HSD17B2: variants seen among roughly 807,000 people sequenced by gnomAD.
HSD17B2 encodes the protein hydroxysteroid 17-beta dehydrogenase 2.
HSD17B2 carries 32 observed loss-of-function variants against 26.9 expected under a neutral mutation model. That is an observed-to-expected ratio of 1.19 (90% CI 0.90 to 1.60). The LOEUF is 1.60. HSD17B2 is among the 40% of genes most tolerant of loss of function. The pLI, the probability that HSD17B2 is intolerant of heterozygous loss-of-function variation, is 0.00. For missense variants in HSD17B2, 613 were observed against 468.6 expected (o/e 1.31, Z -2.85); for synonymous variants, 246 against 186.7 (o/e 1.32, Z -2.59).
chr16:82,076,244 A>T (rs973931558), intron 3 of HSD17B2, among the ~76,000 whole-genome samples: 1 of 152,230 alleles, frequency 6.6e-6, no homozygotes, highest in Non-Finnish European at 1.5e-5. Flanking sequence ...ATCTCAACGT[A>T]ACAAAAGCCA....
At chr16:82,041,291 G>A (rs920907879) in intron 1 of HSD17B2, among the ~76,000 whole-genome samples, 2 of 152,182 alleles carry the variant, frequency 1.3e-5, no homozygotes, top group Non-Finnish European at 2.9e-5. Flanking sequence ...TGGGTGAAAC[G>A]TCCTCTCCTT....
intron 1 of HSD17B2, among the ~76,000 whole-genome samples, chr16:82,039,979 T>C (rs1436049551): frequency 1.3e-5 from 2 of 152,298 alleles, no homozygotes; most frequent in Admixed American, 1.3e-4. Context: ...TCGTTAAGAA[T>C]CTAAAATTAG....
intron 1 of HSD17B2, among the ~76,000 whole-genome samples, chr16:82,058,485 A>T (rs1056969688): frequency 1.4e-4 from 21 of 152,182 alleles, no homozygotes; most frequent in Admixed American, 5.2e-4. Flanking sequence ...CTGTTTTTTT[A>T]AAAAATGTGC....
chr16:82,042,357 T>C (rs1036552539), intron 1 of HSD17B2, among the ~76,000 whole-genome samples: 5 of 151,834 alleles, frequency 3.3e-5, no homozygotes, highest in African/African-American at 1.2e-4. Context: ...CCTCCCAAAG[T>C]GCTGGGATGA....
In HSD17B2 at chr16:82,035,678, T is replaced by G; in HGVS notation, c.254T>G (p.Val85Gly). ...TTGTTACCTGTGGATCAGAAGGCAGTCCTGGTGACAGGTAAGCAGACGGTG... is the reference window on the plus strand; with the variant it reads ...TTGTTACCTGTGGATCAGAAGGCAGGCCTGGTGACAGGTAAGCAGACGGTG... ...QELLPVDQKA[V>G]LVTGGDCGLG... Residue 85 changes from valine (V) to glycine (G), a missense_variant, in exon 1 of 5, where the codon GTC (valine) becomes GGC (glycine). Physicochemically the swap from Val to Gly is moderately radical, Grantham distance 109 (BLOSUM62 -3). Transcript: ENST00000199936. The G allele has an allele frequency of 1.2e-6, 2 of 1,613,752 alleles. No homozygotes were observed. The highest frequency in any genetic ancestry group is 1.7e-6 in the Non-Finnish European group (2 of 1,179,864).
intron 3 of HSD17B2, among the ~76,000 whole-genome samples, chr16:82,084,512 A>G (rs1904467616): frequency 6.6e-6 from 1 of 152,174 alleles, no homozygotes; most frequent in Non-Finnish European, 1.5e-5. Context: ...ACGGAGAGAG[A>G]GTAATCACAG....
chr16:82,055,121 C>G (rs1914226837), intron 1 of HSD17B2, among the ~76,000 whole-genome samples: 1 of 152,236 alleles, frequency 6.6e-6, no homozygotes. Flanking sequence ...AACTGAAAAT[C>G]ACTGACTTAA....
intron 3 of HSD17B2, among the ~76,000 whole-genome samples, chr16:82,085,003 C>T (rs1904484722): frequency 6.6e-6 from 1 of 152,232 alleles, no homozygotes; most frequent in African/African-American, 2.4e-5. Context: ...GGATCATAGG[C>T]ATGAGCTACT....
chr16:82,035,548 G>A lies in HSD17B2; in HGVS notation c.124G>A (p.Ala42Thr). The A allele has an allele frequency of 1.9e-6, 3 of 1,614,034 alleles. No individual in the cohort carries two copies. The change falls in exon 1 of 5, where the codon GCA (alanine) becomes ACA (threonine). Residue 42 changes from alanine (A) to threonine (T), a missense_variant. Transcript: ENST00000199936. ...GCTGTGGAGCTGGATGGTCTGCCTG[G>A]CAGGCCTCTGTGCAGTCTGCCTGCT... ...GQLWSWMVCLAGLCAVCLLIL... is the reference protein window; with the variant it reads ...GQLWSWMVCLTGLCAVCLLIL...
intron 3 of HSD17B2, among the ~76,000 whole-genome samples, chr16:82,076,931 A>C (rs1311150500): frequency 2.0e-5 from 3 of 152,222 alleles, no homozygotes; most frequent in African/African-American, 7.2e-5. Context: ...CTACAAATAA[A>C]ATGAAATACC....
chr16:82,043,554 G>A (rs1056091708), intron 1 of HSD17B2, among the ~76,000 whole-genome samples: 1 of 141,934 alleles, frequency 7.0e-6, no homozygotes, highest in Non-Finnish European at 1.5e-5. Flanking sequence ...CGCCGTGGCA[G>A]GCGCCTGTAG....
intron 1 of HSD17B2, among the ~76,000 whole-genome samples, chr16:82,049,315 C>G (rs1216620957): frequency 6.6e-6 from 1 of 152,144 alleles, no homozygotes; most frequent in Non-Finnish European, 1.5e-5. Context: ...AGGACAGCCC[C>G]TACCACAAAA....
At chr16:82,041,665 G>A (rs574658583) in intron 1 of HSD17B2, among the ~76,000 whole-genome samples, 8 of 152,316 alleles carry the variant, frequency 5.3e-5, no homozygotes, top group African/African-American at 1.4e-4. Context: ...TCATGGCCTC[G>A]TTAGCCTTGC....
At chr16:82,051,955 C>T (rs568514456) in intron 1 of HSD17B2, among the ~76,000 whole-genome samples, 1 of 152,324 alleles carries the variant, frequency 6.6e-6, no homozygotes, top group Admixed American at 6.5e-5. Flanking sequence ...CTTCATGTGC[C>T]CTTGGCACCT....
At chr16:82,089,106 G>T (rs1344693521) in intron 3 of HSD17B2, among the ~76,000 whole-genome samples, 1 of 152,098 alleles carries the variant, frequency 6.6e-6, no homozygotes, top group African/African-American at 2.4e-5. Flanking sequence ...TACGAATTTT[G>T]ATGGGGGTGG....
intron 1 of HSD17B2, among the ~76,000 whole-genome samples, chr16:82,036,320 T>TTG (rs10609893): frequency 0.087 from 12,693 of 145,678 alleles, 579 homozygotes; most frequent in African/African-American, 0.13. Flanking sequence ...TTTCCCTTGT[T>TTG]TGTGTGTGTG....
chr16:82,069,210 C>A (rs1172585076), intron 2 of HSD17B2, among the ~76,000 whole-genome samples: 2 of 152,152 alleles, frequency 1.3e-5, no homozygotes, highest in African/African-American at 2.4e-5. Flanking sequence ...TAATGGCTTC[C>A]AGCTCCACCC....
chr16:82,059,048 TGGA>T (rs1914358297), intron 1 of HSD17B2, among the ~76,000 whole-genome samples: 1 of 152,218 alleles, frequency 6.6e-6, no homozygotes, highest in South Asian at 2.1e-4. Flanking sequence ...CGTACTCTGA[TGGA>T]GATCACCTAG....
intron 1 of HSD17B2, among the ~76,000 whole-genome samples, chr16:82,036,465 C>G (rs1913629049): frequency 2.0e-5 from 3 of 151,486 alleles, no homozygotes. Context: ...TTAGGATTAT[C>G]CAGCGTTATC....
Sources: allele counts gnomAD v4.1 joint callset (sites outside exome capture counted in the v4.1 genomes callset), GRCh38; gene constraint gnomAD v4.1.1; transcripts MANE v1.5; gene names NCBI Gene and HGNC (gene_info 2026-07-23, HGNC 2026-07-21).